MME: variants seen among roughly 807,000 people sequenced by gnomAD.
The protein encoded by MME is membrane metalloendopeptidase.
In MME, 98 loss-of-function variants were observed where a neutral mutation model predicts 113.2. That is an observed-to-expected ratio of 0.87 (90% CI 0.74 to 1.02). MME has a LOEUF of 1.02. Among genes scored for constraint, MME ranks in the 50% least tolerant of loss-of-function variants. The pLI is 0.00. For synonymous variants in MME, 292 were observed against 300.6 expected, an observed-to-expected ratio of 0.97 and a Z score of 0.30; for missense variants, 836 against 896.0, an observed-to-expected ratio of 0.93 and a Z score of 0.86.
chr3:155,127,112 T>G (rs994231814), intron 8 of MME, among the ~76,000 whole-genome samples: 4 of 152,156 alleles, frequency 2.6e-5, no homozygotes, highest in African/African-American at 9.7e-5. Context: ...TATCGGCTCC[T>G]GTAGGCACTT....
At chr3:155,039,572 A>G (rs1456923603) in intron 1 of MME, among the ~76,000 whole-genome samples, 1 of 152,174 alleles carries the variant, frequency 6.6e-6, no homozygotes, top group Non-Finnish European at 1.5e-5. Context: ...GAATTTTAAA[A>G]ACTGACCAAA....
At chr3:155,126,315 T>G (rs1719650462) in intron 8 of MME, among the ~76,000 whole-genome samples, 1 of 151,056 alleles carries the variant, frequency 6.6e-6, no homozygotes, top group African/African-American at 2.4e-5. Flanking sequence ...TATATCAAAT[T>G]TTTCAAATCC....
chr3:155,119,450 G>T (rs1398750163), intron 8 of MME, among the ~76,000 whole-genome samples: 2 of 144,066 alleles, frequency 1.4e-5, no homozygotes, highest in Non-Finnish European at 3.0e-5. Context: ...AAGTTTTAGG[G>T]TACATGTGCA....
intron 3 of MME, among the ~76,000 whole-genome samples, chr3:155,105,893 C>T (rs1026214016): frequency 1.3e-5 from 2 of 152,066 alleles, no homozygotes; most frequent in African/African-American, 4.8e-5. Flanking sequence ...AAATGAAAAT[C>T]CTATAATTTA....
chr3:155,095,679 A>G (rs1355888054), intron 3 of MME, among the ~76,000 whole-genome samples: 4 of 151,952 alleles, frequency 2.6e-5, no homozygotes, highest in African/African-American at 9.7e-5. Context: ...CATACCTGGC[A>G]TTCATTTTTT....
chr3:155,177,756 G>C (rs992009926), intron 22 of MME, among the ~76,000 whole-genome samples: 2 of 152,198 alleles, frequency 1.3e-5, no homozygotes. Context: ...GCCAAACTCT[G>C]AGCTCTTAGA....
intron 1 of MME, among the ~76,000 whole-genome samples, chr3:155,082,320 G>A (rs1318374967): frequency 6.6e-6 from 1 of 152,146 alleles, no homozygotes; most frequent in Non-Finnish European, 1.5e-5. Flanking sequence ...CATATGCGGG[G>A]GGAACAATAT....
chr3:155,046,017 T>C (rs1026278557), intron 1 of MME, among the ~76,000 whole-genome samples: 1 of 152,194 alleles, frequency 6.6e-6, no homozygotes, highest in Non-Finnish European at 1.5e-5. Context: ...TATAAGTTTA[T>C]GTCTTTCACC....
chr3:155,168,707 C>T (rs766382094), intron 19 of MME, 25 bp from the exon 20 acceptor site: 3 of 1,611,102 alleles, frequency 1.9e-6, no homozygotes, highest in Non-Finnish European at 1.7e-6. Context: ...TTTTAACAAT[C>T]CTAATAAAGT....
chr3:155,039,018 T>A (rs1468286449), intron 1 of MME, among the ~76,000 whole-genome samples: 1 of 152,146 alleles, frequency 6.6e-6, no homozygotes, highest in East Asian at 1.9e-4. Flanking sequence ...CAACAAACCA[T>A]GTGATTCATA....
At chr3:155,103,386 T>C (rs896091935) in intron 3 of MME, among the ~76,000 whole-genome samples, 2 of 152,080 alleles carry the variant, frequency 1.3e-5, no homozygotes, top group African/African-American at 4.8e-5. Flanking sequence ...CCTGCTTATG[T>C]CAGATTTCTC....
chr3:155,145,511 G>A (rs1429382595), intron 14 of MME, among the ~76,000 whole-genome samples: 2 of 151,974 alleles, frequency 1.3e-5, no homozygotes, highest in Non-Finnish European at 2.9e-5. Flanking sequence ...GTTGGGGGCA[G>A]GGGGGCAGAA....
At chr3:155,043,494 G>A (rs375519883) in intron 1 of MME, among the ~76,000 whole-genome samples, 5 of 151,564 alleles carry the variant, frequency 3.3e-5, no homozygotes, top group Non-Finnish European at 5.9e-5. Context: ...CACCACGCCC[G>A]GCCAATTATG....
chr3:155,168,206 A>G (rs192774898), intron 18 of MME, among the ~76,000 whole-genome samples: 108 of 152,310 alleles, frequency 7.1e-4, no homozygotes, highest in African/African-American at 2.5e-3. Flanking sequence ...ATTCAACAGA[A>G]CAAGGCATAA....
chr3:155,118,292 A>G (rs1349625829), intron 7 of MME, among the ~76,000 whole-genome samples: 1 of 152,236 alleles, frequency 6.6e-6, no homozygotes, highest in Non-Finnish European at 1.5e-5. Flanking sequence ...CTTGAAGAAT[A>G]TTAACCCACT....
chr3:155,130,017 C>T (rs1209373467), intron 8 of MME, among the ~76,000 whole-genome samples: 1 of 152,152 alleles, frequency 6.6e-6, no homozygotes, highest in Non-Finnish European at 1.5e-5. Context: ...GAATTGGTCT[C>T]AAAGCTTCCC....
In MME at chr3:155,096,253, G is replaced by A. The variant is rs1021666633; in HGVS notation, c.196+11159G>A. 2.6e-5 allele frequency among the ~76,000 whole-genome samples: 4 copies of A among 152,308 alleles called. 1 individual carries two copies. The highest frequency in any genetic ancestry group is 4.1e-4 in the South Asian group (2 of 4,824). On this transcript the variant is annotated intron_variant, in intron 3 of 22. Transcript: ENST00000360490. ...GGACATCTAAGGGATTTTAAATAGG[G>A]ATGTGTGACATTGTCAAGATTGGCT...
At chr3:155,151,617 T>C (rs1237994821) in intron 16 of MME, among the ~76,000 whole-genome samples, 1 of 152,166 alleles carries the variant, frequency 6.6e-6, no homozygotes, top group East Asian at 1.9e-4. Context: ...GCATTTGTCA[T>C]TTAGGCAAAA....
intron 9 of MME, among the ~76,000 whole-genome samples, chr3:155,138,691 T>C (rs1400109364): frequency 1.3e-5 from 2 of 152,190 alleles, no homozygotes; most frequent in Admixed American, 6.5e-5. Flanking sequence ...GGCAATGTGA[T>C]ACTACTGAGT....
Sources: allele counts gnomAD v4.1 joint callset (sites outside exome capture counted in the v4.1 genomes callset), GRCh38; gene constraint gnomAD v4.1.1; transcripts MANE v1.5; gene names NCBI Gene and HGNC (gene_info 2026-07-23, HGNC 2026-07-21).